The following RUBCNL variants were observed in gnomAD, a reference collection of about 807,000 sequenced individuals.
RUBCNL encodes the protein protein associated with UVRAG as autophagy enhancer.
Under a neutral mutation model 69.5 loss-of-function variants are expected in RUBCNL, and 62 were observed. That is an observed-to-expected ratio of 0.89 (90% CI 0.73 to 1.10). The LOEUF is 1.10. Ranked by LOEUF, RUBCNL falls within the 50% of genes least tolerant of loss-of-function variation. The pLI is 0.00. For missense variants in RUBCNL, 768 were observed against 798.1 expected (o/e 0.96, Z 0.45); for synonymous variants, 291 against 303.6 (o/e 0.96, Z 0.43).
upstream of RUBCNL, chr13:46,387,307 C>G (rs976144461): frequency 2.1e-5 from 21 of 985,426 alleles, no homozygotes; most frequent in Non-Finnish European, 2.5e-5. Context: ...GCCACGCCCC[C>G]CGCCTCCCAC....
chr13:46,348,707 G>A (rs991150488), intron 12 of RUBCNL, among the ~76,000 whole-genome samples: 4 of 151,510 alleles, frequency 2.6e-5, no homozygotes, highest in East Asian at 3.9e-4. Context: ...AGGTTCAAGC[G>A]ATTCTCCTGC....
chr13:46,377,529 G>A (rs563589474), intron 2 of RUBCNL, among the ~76,000 whole-genome samples: 17 of 152,296 alleles, frequency 1.1e-4, no homozygotes, highest in East Asian at 7.7e-4. Context: ...CTTCCAAAGC[G>A]CTGGATTGCA....
intron 7 of RUBCNL, among the ~76,000 whole-genome samples, chr13:46,361,982 T>G (rs537446294): frequency 5.3e-4 from 80 of 152,068 alleles, no homozygotes; most frequent in Middle Eastern, 3.4e-3. Context: ...TCCCAGAATT[T>G]TGGGAGGCTG....
At chr13:46,352,663 G>C (rs1275856303) in intron 10 of RUBCNL, among the ~76,000 whole-genome samples, 5 of 152,170 alleles carry the variant, frequency 3.3e-5, no homozygotes, top group African/African-American at 1.2e-4. Context: ...AATTAGATTG[G>C]AGTGGCGGTG....
intron 10 of RUBCNL, among the ~76,000 whole-genome samples, chr13:46,351,658 T>C (rs897475427): frequency 1.3e-5 from 2 of 152,106 alleles, no homozygotes; most frequent in Non-Finnish European, 2.9e-5. Context: ...CGGAAGAGCA[T>C]AGGAAGTGGA....
In RUBCNL at chr13:46,356,470, T is replaced by C; in HGVS notation, c.1292A>G (p.Asn431Ser). ...LKRDLVVAAQ[N>S]FFCAGCGTPV... is the part of the protein sequence containing the mutation. ...AGTTCCACAGCCGGCACAGAAAAAA[T>C]TCTGGGCTGCCACCACAAGGTCCCT... The change falls in exon 10 of 15, where the codon AAT becomes AGT. Residue 431 changes from asparagine (N) to serine (S), a missense_variant. Asn to Ser is a conservative substitution (Grantham distance 46). Coordinates refer to ENST00000429979, the MANE Select transcript of RUBCNL (RefSeq NM_025113.5). 2 of 1,613,894 alleles carry C rather than the reference T, an allele frequency of 1.2e-6. No individual in the cohort carries two copies. The highest frequency in any genetic ancestry group is 1.7e-6 in the Non-Finnish European group (2 of 1,179,878).
At position 46,341,017 on chromosome 13, in the gene RUBCNL, T is replaced by C. The variant is rs2048138268; in HGVS notation, c.*2368A>G. 6.6e-6 allele frequency among the ~76,000 whole-genome samples: 1 copy of C among 152,178 alleles called. No individual in the cohort carries two copies. The highest frequency in any genetic ancestry group is 2.4e-5 in the African/African-American group (1 of 41,434). On this transcript the variant is annotated 3_prime_UTR_variant, in exon 15 of 15. Transcript: ENST00000429979. ...GGCATATTTGGGATCTAATCTGAAG[T>C]TGTGGCCAATAATTCTCACCCAGGT...
rs1054456898 is a variant in RUBCNL, at chr13:46,340,556, T to A, written c.*2829A>T. 1.3e-5 allele frequency among the ~76,000 whole-genome samples: 2 copies of A among 152,180 alleles called. No individual in the cohort carries two copies. The highest frequency in any genetic ancestry group is 4.8e-5 in the African/African-American group (2 of 41,438). On this transcript the variant is annotated 3_prime_UTR_variant, in exon 15 of 15. Coordinates refer to ENST00000429979, the MANE Select transcript of RUBCNL (RefSeq NM_025113.5). ...TGGCTTCCCCAGTGTCTGAGTCTATTTGTGTTGCTATAAAGGAATACCTGA... is the reference window on the plus strand; with the variant it reads ...TGGCTTCCCCAGTGTCTGAGTCTATATGTGTTGCTATAAAGGAATACCTGA...
At chr13:46,378,097 A>C (rs1467333961) in intron 1 of RUBCNL, 92 bp from the exon 2 acceptor site, 1 of 669,220 alleles carries the variant, frequency 1.5e-6, no homozygotes. Context: ...TTAGTTATTC[A>C]GTTAAGAAAT....
intron 2 of RUBCNL, 146 bp downstream of exon 2, chr13:46,377,743 CA>C (rs2049026740): frequency 1.9e-6 from 1 of 523,356 alleles, no homozygotes; most frequent in Non-Finnish European, 3.4e-6. Context: ...TGTTGCTTCA[CA>C]AAAATAACCA....
At chr13:46,347,011 G>T (rs1184169161) in intron 12 of RUBCNL, among the ~76,000 whole-genome samples, 1 of 152,166 alleles carries the variant, frequency 6.6e-6, no homozygotes, top group South Asian at 2.1e-4. Context: ...AGATTTGGGG[G>T]TATGTGTGCA....
At chr13:46,366,975 G>A (rs187236419) in intron 5 of RUBCNL, among the ~76,000 whole-genome samples, 10 of 152,298 alleles carry the variant, frequency 6.6e-5, no homozygotes. Flanking sequence ...ATAGATTCAG[G>A]AGATAATAGC....
intron 1 of RUBCNL, among the ~76,000 whole-genome samples, chr13:46,378,988 C>T (rs1012912468): frequency 1.3e-5 from 2 of 152,160 alleles, no homozygotes; most frequent in East Asian, 3.8e-4. Flanking sequence ...GTTCCTATCC[C>T]TCTCTTTAGC....
intron 10 of RUBCNL, chr13:46,351,127 A>C (rs569592418): frequency 6.6e-6 from 1 of 151,982 alleles, no homozygotes; most frequent in African/African-American, 2.4e-5. Context: ...TAGCCAGGCA[A>C]TGTGGTGTGT....
At chr13:46,367,086 G>A (rs1448350351) in intron 5 of RUBCNL, among the ~76,000 whole-genome samples, 1 of 152,198 alleles carries the variant, frequency 6.6e-6, no homozygotes, top group African/African-American at 2.4e-5. Context: ...TTAAGAAATG[G>A]TAAGAAAGTA....
intron 2 of RUBCNL, among the ~76,000 whole-genome samples, chr13:46,374,771 T>C (rs1044340441): frequency 6.6e-6 from 1 of 152,190 alleles, no homozygotes; most frequent in African/African-American, 2.4e-5. Flanking sequence ...CCTCTCTCAC[T>C]TATCTTCATC....
rs564692035 is a variant in RUBCNL at position 46,339,770 on chromosome 13, A to G, written c.*3615T>C. 3.3e-5 allele frequency among the ~76,000 whole-genome samples: 5 copies of G among 152,270 alleles called. No individual in the cohort carries two copies. In the East Asian group the frequency reaches 9.7e-4, roughly 29 times the overall value. On this transcript the variant is annotated 3_prime_UTR_variant, in exon 15 of 15. Coordinates refer to ENST00000429979, the MANE Select transcript of RUBCNL (RefSeq NM_025113.5). ...GCTACTCGGGAGGGTGAGACAGGAA[A>G]ATCACTTGAACCCAGGTGGCGGAGG...
At chr13:46,387,651 G>A, upstream of RUBCNL, 1 of 985,584 alleles carries the variant, frequency 1.0e-6, no homozygotes, top group Non-Finnish European at 1.2e-6. Flanking sequence ...TGGATGAGTC[G>A]GCCCTGAAAT....
At chr13:46,379,100 A>T (rs990435464) in intron 1 of RUBCNL, among the ~76,000 whole-genome samples, 3 of 151,910 alleles carry the variant, frequency 2.0e-5, no homozygotes, top group Non-Finnish European at 2.9e-5. Context: ...TTATTTATTT[A>T]TTTTTTTGAG....
Sources: allele counts gnomAD v4.1 joint callset (sites outside exome capture counted in the v4.1 genomes callset), GRCh38; gene constraint gnomAD v4.1.1; transcripts MANE v1.5; gene names NCBI Gene and HGNC (gene_info 2026-07-23, HGNC 2026-07-21).